SH3RF3: variants seen among roughly 807,000 people sequenced by gnomAD.
The protein encoded by SH3RF3 is SH3 domain containing ring finger 3, also known as E3 ubiquitin-protein ligase SH3RF3.
Under a neutral mutation model 66.3 loss-of-function variants are expected in SH3RF3, and 29 were observed. That is an observed-to-expected ratio of 0.44 (90% confidence interval 0.33 to 0.60). SH3RF3 has a LOEUF of 0.60. Among genes scored for constraint, SH3RF3 ranks in the 20% least tolerant of loss-of-function variants. The pLI is 0.04. For synonymous variants in SH3RF3, 583 were observed against 532.0 expected, an observed-to-expected ratio of 1.10 and a Z score of -1.32; for missense variants, 1,194 against 1,190.9, an observed-to-expected ratio of 1.00 and a Z score of -0.04.
chr2:109,276,402 T>G (rs188390789), intron 1 of SH3RF3, among the ~76,000 whole-genome samples: 3 of 152,254 alleles, frequency 2.0e-5, no homozygotes, highest in Admixed American at 2.0e-4. Flanking sequence ...GGCCTGAGAG[T>G]GACTGTCAGT....
chr2:109,176,060 C>T (rs756615910), intron 1 of SH3RF3, among the ~76,000 whole-genome samples: 14 of 152,274 alleles, frequency 9.2e-5, no homozygotes, highest in Middle Eastern at 6.8e-3. Context: ...GGGCCTAGCT[C>T]CTTTGGGTTT....
intron 6 of SH3RF3, among the ~76,000 whole-genome samples, chr2:109,433,188 G>C (rs1245850957): frequency 6.6e-6 from 1 of 152,198 alleles, no homozygotes; most frequent in Non-Finnish European, 1.5e-5. Flanking sequence ...TGTATGCAGT[G>C]TGTATGCATG....
intron 7 of SH3RF3, among the ~76,000 whole-genome samples, chr2:109,439,217 C>T (rs893021530): frequency 1.2e-4 from 18 of 152,140 alleles, no homozygotes; most frequent in Admixed American, 1.1e-3. Context: ...GAGGGTGCCA[C>T]GAGCATTCTC....
intron 8 of SH3RF3, among the ~76,000 whole-genome samples, chr2:109,480,534 T>C (rs1391435387): frequency 1.3e-5 from 2 of 152,096 alleles, no homozygotes; most frequent in Admixed American, 6.6e-5. Context: ...GCTGAATTAG[T>C]GTCTCAGGGG....
chr2:109,317,734 G>GGT (rs929676107), intron 1 of SH3RF3, among the ~76,000 whole-genome samples: 1 of 152,112 alleles, frequency 6.6e-6, no homozygotes, highest in African/African-American at 2.4e-5. Context: ...GGAGTGCGAG[G>GGT]GTGCCTCCCT....
intron 1 of SH3RF3, among the ~76,000 whole-genome samples, chr2:109,194,319 G>T (rs1310363397): frequency 6.6e-6 from 1 of 152,230 alleles, no homozygotes. Flanking sequence ...TCGAAAGCTT[G>T]GGCTGCGGTG....
At chr2:109,168,668 C>A (rs886775770) in intron 1 of SH3RF3, among the ~76,000 whole-genome samples, 1 of 48,326 alleles carries the variant, frequency 2.1e-5, no homozygotes, top group African/African-American at 6.1e-5. Flanking sequence ...AACTGAAAAC[C>A]TTTCAGTCAG....
chr2:109,491,850 C>T (rs997130433), intron 9 of SH3RF3, among the ~76,000 whole-genome samples: 2 of 152,164 alleles, frequency 1.3e-5, no homozygotes, highest in African/African-American at 4.8e-5. Flanking sequence ...CTCCCTTGGC[C>T]GTTCGGGTGC....
At chr2:109,381,021 AAGC>A (rs1411428016) in intron 3 of SH3RF3, among the ~76,000 whole-genome samples, 1 of 152,212 alleles carries the variant, frequency 6.6e-6, no homozygotes, top group Admixed American at 6.5e-5. Flanking sequence ...TGTTGGCTTT[AAGC>A]AGTAGTTGTG....
In SH3RF3 at chr2:109,129,741, G is replaced by A. The variant is rs1343284667; in HGVS notation, c.201G>A (p.Thr67=). The change falls in exon 1 of 10, where the codon ACG becomes ACA. Residue 67 remains threonine, a synonymous_variant. Transcript: ENST00000309415. ...CSVCLERLDT[T]AKVLPCQHTF... ...TGTGTCTGGAGCGCCTGGACACCACGGCCAAGGTGCTGCCATGCCAACACA... is the reference window on the plus strand; with the variant it reads ...TGTGTCTGGAGCGCCTGGACACCACAGCCAAGGTGCTGCCATGCCAACACA... The A allele has an allele frequency of 4.5e-6, 7 of 1,539,244 alleles. No homozygotes were observed. Among genetic ancestry groups the A allele is most frequent in the African/African-American group, 1.4e-5 (1 of 72,554 alleles).
In SH3RF3 at chr2:109,270,454, C is replaced by A. The variant is rs1680597977; in HGVS notation, c.574-77220C>A. 6.6e-5 allele frequency among the ~76,000 whole-genome samples: 10 copies of A among 152,150 alleles called. No individual in the cohort carries two copies. The South Asian group carries it at 2.1e-3, about 31-fold the overall frequency. ...TGCCACAGGGAAGGAAACATTTCTT[C>A]TTGTTTCCACTGCCTGAGCTGGGGC... On this transcript the variant is annotated intron_variant, in intron 1 of 9. Coordinates refer to ENST00000309415, the MANE Select transcript of SH3RF3 (RefSeq NM_001099289.3).
chr2:109,170,275 T>G (rs1677737535), intron 1 of SH3RF3, among the ~76,000 whole-genome samples: 1 of 107,770 alleles, frequency 9.3e-6, no homozygotes, highest in Non-Finnish European at 2.1e-5. Context: ...TTCTCTTCTC[T>G]TCTCTTCTCT....
At chr2:109,145,024 C>T (rs1020388555) in intron 1 of SH3RF3, among the ~76,000 whole-genome samples, 1 of 152,214 alleles carries the variant, frequency 6.6e-6, no homozygotes, top group African/African-American at 2.4e-5. Context: ...CTCAGGGCTC[C>T]GTGTCAGGAA....
At chr2:109,305,922 C>T (rs1574562693) in intron 1 of SH3RF3, among the ~76,000 whole-genome samples, 1 of 150,136 alleles carries the variant, frequency 6.7e-6, no homozygotes, top group Non-Finnish European at 1.5e-5. Flanking sequence ...TTGGGCTGCT[C>T]CTCCAGCTGC....
chr2:109,388,385 G>C (rs991061009), intron 3 of SH3RF3, among the ~76,000 whole-genome samples: 1 of 151,258 alleles, frequency 6.6e-6, no homozygotes, highest in African/African-American at 2.5e-5. Context: ...ACCTGCCACA[G>C]ATTGCCTGGC....
intron 1 of SH3RF3, among the ~76,000 whole-genome samples, chr2:109,170,696 T>G (rs1677760236): frequency 6.6e-6 from 1 of 152,166 alleles, no homozygotes; most frequent in Admixed American, 6.5e-5. Context: ...AGTCTGAGGT[T>G]GTTATTTGTT....
At chr2:109,317,545 C>T (rs1681917010) in intron 1 of SH3RF3, among the ~76,000 whole-genome samples, 1 of 152,152 alleles carries the variant, frequency 6.6e-6, no homozygotes, top group African/African-American at 2.4e-5. Context: ...TCTCGTTCTG[C>T]CGGGCCTGCC....
intron 7 of SH3RF3, among the ~76,000 whole-genome samples, chr2:109,441,152 G>C (rs1677553008): frequency 8.2e-6 from 1 of 122,086 alleles, no homozygotes; most frequent in Non-Finnish European, 1.7e-5. Flanking sequence ...AAAAATTCCA[G>C]CTCTCAACAA....
chr2:109,352,340 G>T (rs985800646), intron 2 of SH3RF3, among the ~76,000 whole-genome samples: 8 of 152,182 alleles, frequency 5.3e-5, no homozygotes, highest in African/African-American at 1.9e-4. Context: ...ATGAGAACTT[G>T]CAGGACTGGT....
Sources: gnomAD v4.1 joint callset for allele counts (sites outside exome capture counted in the v4.1 genomes callset) on GRCh38, gnomAD v4.1.1 for gene constraint, MANE v1.5 for transcripts, NCBI Gene and HGNC (gene_info 2026-07-23, HGNC 2026-07-21) for gene names.